PBX1: variants seen among roughly 807,000 people sequenced by gnomAD.
The protein encoded by PBX1 is PBX homeobox 1.
Under a neutral mutation model 53.4 loss-of-function variants are expected in PBX1, and 6 were observed. The observed-to-expected ratio is 0.11, with a 90% CI of 0.06 to 0.22. The LOEUF (loss-of-function observed/expected upper bound fraction) is 0.22. Among genes scored for constraint, PBX1 ranks in the 10% least tolerant of loss-of-function variants. PBX1 has a pLI of 1.00. For missense variants in PBX1, 251 were observed against 551.4 expected, an observed-to-expected ratio of 0.46 and a Z score of 5.46; for synonymous variants, 204 against 212.3, an observed-to-expected ratio of 0.96 and a Z score of 0.34.
chr1:164,881,007 TCTC>T (rs919939917), intron 2 of PBX1, among the ~76,000 whole-genome samples: 1 of 152,178 alleles, frequency 6.6e-6, no homozygotes, highest in African/African-American at 2.4e-5. Flanking sequence ...GGTGGTCTGA[TCTC>T]CTAGCCATCT....
At chr1:164,608,165 C>T (rs1202894192) in intron 2 of PBX1, among the ~76,000 whole-genome samples, 1 of 152,222 alleles carries the variant, frequency 6.6e-6, no homozygotes, top group Non-Finnish European at 1.5e-5. Flanking sequence ...TTTCTCATGT[C>T]TGCATTAGGC....
intron 2 of PBX1, among the ~76,000 whole-genome samples, chr1:164,717,713 A>C (rs1664180705): frequency 6.6e-6 from 1 of 152,206 alleles, no homozygotes; most frequent in South Asian, 2.1e-4. Context: ...CTTACCTGGA[A>C]ACAGGTGTGC....
intron 2 of PBX1, among the ~76,000 whole-genome samples, chr1:164,620,649 G>T (rs1657605126): frequency 6.6e-6 from 1 of 152,030 alleles, no homozygotes; most frequent in Non-Finnish European, 1.5e-5. Flanking sequence ...GTTTTGAGAG[G>T]AAAGTCAAAG....
chr1:164,843,591 T>C (rs1217372942), intron 8 of PBX1, among the ~76,000 whole-genome samples: 1 of 152,070 alleles, frequency 6.6e-6, no homozygotes, highest in Non-Finnish European at 1.5e-5. Context: ...TTTTGTTTAA[T>C]GTATTTCTTT....
chr1:164,790,931 C>T (rs922041542), intron 2 of PBX1, among the ~76,000 whole-genome samples: 1 of 151,996 alleles, frequency 6.6e-6, no homozygotes, highest in African/African-American at 2.4e-5. Context: ...GGCACTGTCC[C>T]CCTGGGGCTC....
intron 2 of PBX1, among the ~76,000 whole-genome samples, chr1:164,653,271 A>T (rs1659944505): frequency 6.6e-6 from 1 of 151,508 alleles, no homozygotes; most frequent in Non-Finnish European, 1.5e-5. Context: ...TGCTTGCATC[A>T]GTACTTCACC....
chr1:164,689,923 G>T (rs1235218170), intron 2 of PBX1, among the ~76,000 whole-genome samples: 2 of 151,714 alleles, frequency 1.3e-5, no homozygotes, highest in African/African-American at 4.8e-5. Context: ...CTCCCTAAGT[G>T]CCAAATGTTT....
intron 2 of PBX1, among the ~76,000 whole-genome samples, chr1:164,876,945 C>T (rs1182726783): frequency 6.6e-6 from 1 of 152,162 alleles, no homozygotes; most frequent in Admixed American, 6.5e-5. Flanking sequence ...GACCTCACAG[C>T]CCCGCAGAGC....
At chr1:164,639,558 A>G (rs1658991755) in intron 2 of PBX1, 1 of 152,242 alleles carries the variant, frequency 6.6e-6, no homozygotes, top group African/African-American at 2.4e-5. Flanking sequence ...TCCAAATCCT[A>G]TGGCCTGTGC....
intron 2 of PBX1, among the ~76,000 whole-genome samples, chr1:164,768,556 A>G (rs1034319851): frequency 2.6e-5 from 4 of 152,242 alleles, no homozygotes; most frequent in Admixed American, 6.5e-5. Flanking sequence ...ATAGATTGCA[A>G]CGGCTTTCCA....
chr1:164,560,532 T>G (rs963463955), intron 1 of PBX1: 1 of 196,966 alleles, frequency 5.1e-6, no homozygotes, highest in African/African-American at 2.6e-5. Context: ...CAAAATTAAT[T>G]TTTATCTTTT....
intron 2 of PBX1, among the ~76,000 whole-genome samples, chr1:164,688,930 G>C (rs1571224519): frequency 6.6e-6 from 1 of 152,216 alleles, no homozygotes; most frequent in East Asian, 1.9e-4. Context: ...GAACAACCCC[G>C]TCTTGCCTCA....
At chr1:164,862,350 C>G (rs535219834) in intron 2 of PBX1, among the ~76,000 whole-genome samples, 26 of 152,272 alleles carry the variant, frequency 1.7e-4, no homozygotes, top group African/African-American at 5.8e-4. Context: ...GAGTTCCCAC[C>G]AAGGATTATT....
intron 2 of PBX1, among the ~76,000 whole-genome samples, chr1:164,870,972 G>A (rs1409554234): frequency 1.3e-5 from 2 of 151,860 alleles, no homozygotes; most frequent in Admixed American, 6.6e-5. Flanking sequence ...ACCTGTCAAC[G>A]AGATCAAGCT....
chr1:164,575,864 T>A (rs752127782), intron 2 of PBX1, among the ~76,000 whole-genome samples: 7 of 150,416 alleles, frequency 4.7e-5, no homozygotes, highest in Admixed American at 6.6e-5. Flanking sequence ...GGGAAGGAAA[T>A]GTCTGGGTGG....
At chr1:164,727,097 A>C (rs1231810282) in intron 2 of PBX1, among the ~76,000 whole-genome samples, 2 of 151,388 alleles carry the variant, frequency 1.3e-5, no homozygotes, top group Non-Finnish European at 2.9e-5. Context: ...TCTTTTATTA[A>C]GTTACACACC....
chr1:164,686,505 C>T (rs1318477518), intron 2 of PBX1, among the ~76,000 whole-genome samples: 2 of 152,114 alleles, frequency 1.3e-5, no homozygotes, highest in Non-Finnish European at 2.9e-5. Context: ...TTGGCAGCAG[C>T]CCCAGAATGG....
intron 2 of PBX1, among the ~76,000 whole-genome samples, chr1:164,870,361 C>CTTTCTTTCTTTCTTTCTTTCTA (rs1672353154): frequency 1.2e-5 from 1 of 84,980 alleles, no homozygotes; most frequent in Non-Finnish European, 2.4e-5. Flanking sequence ...TTCTTTCTTT[C>CTTTCTTTCTTTCTTTCTTTCTA]GAGATGAAGT....
At chr1:164,649,706 G>A (rs1194305631) in intron 2 of PBX1, among the ~76,000 whole-genome samples, 1 of 152,086 alleles carries the variant, frequency 6.6e-6, no homozygotes, top group Non-Finnish European at 1.5e-5. Context: ...GCTTTTTATT[G>A]CATTCCACCC....
Sources: gnomAD v4.1 joint callset for allele counts (sites outside exome capture counted in the v4.1 genomes callset) on GRCh38, gnomAD v4.1.1 for gene constraint, MANE v1.5 for transcripts, NCBI Gene and HGNC (gene_info 2026-07-23, HGNC 2026-07-21) for gene names.